Variants in EBF1 observed in about 807,000 individuals in gnomAD.
EBF1 encodes EBF transcription factor 1, also known as transcription factor COE1.
EBF1 carries 10 observed loss-of-function variants against 68.4 expected under a neutral mutation model. That is an observed-to-expected ratio of 0.15 (90% confidence interval 0.09 to 0.25). The LOEUF (loss-of-function observed/expected upper bound fraction) is 0.25. Among genes scored for constraint, EBF1 ranks in the 10% least tolerant of loss-of-function variants. EBF1 has a pLI of 1.00. For missense variants in EBF1, 509 were observed against 794.4 expected, an observed-to-expected ratio of 0.64 and a Z score of 4.32; for synonymous variants, 298 against 299.8, an observed-to-expected ratio of 0.99 and a Z score of 0.06.
At chr5:158,915,633 GA>G (rs1235915381) in intron 6 of EBF1, among the ~76,000 whole-genome samples, 1 of 152,144 alleles carries the variant, frequency 6.6e-6, no homozygotes, top group Admixed American at 6.5e-5. Flanking sequence ...AAACAGTAAG[GA>G]GATCTGTGGC....
At chr5:158,803,960 G>A (rs1015909275) in intron 8 of EBF1, among the ~76,000 whole-genome samples, 2 of 146,984 alleles carry the variant, frequency 1.4e-5, no homozygotes, top group African/African-American at 5.1e-5. Flanking sequence ...CTGTGTGTGT[G>A]TGTGTGTGTG....
chr5:158,968,943 T>C (rs1754738127), intron 6 of EBF1, among the ~76,000 whole-genome samples: 1 of 152,142 alleles, frequency 6.6e-6, no homozygotes, highest in Non-Finnish European at 1.5e-5. Flanking sequence ...GAAATTTGCT[T>C]CTTGTAAGTA....
At chr5:158,749,055 T>A (rs1768197099) in intron 10 of EBF1, among the ~76,000 whole-genome samples, 1 of 152,106 alleles carries the variant, frequency 6.6e-6, no homozygotes, top group African/African-American at 2.4e-5. Flanking sequence ...AGCATGGCAA[T>A]TCCCTGTGGA....
At chr5:158,838,554 C>A (rs1466434957) in intron 7 of EBF1, among the ~76,000 whole-genome samples, 6 of 151,906 alleles carry the variant, frequency 3.9e-5, no homozygotes, top group Admixed American at 2.6e-4. Flanking sequence ...ACCTCAGAAT[C>A]TCAGGAGAGA....
chr5:158,855,009 C>T (rs1429542704), intron 6 of EBF1, among the ~76,000 whole-genome samples: 4 of 152,116 alleles, frequency 2.6e-5, no homozygotes, highest in African/African-American at 9.7e-5. Context: ...AACCCCAGGT[C>T]ACATATAAGT....
At chr5:158,767,876 T>C (rs17056189) in intron 10 of EBF1, among the ~76,000 whole-genome samples, 5,642 of 152,190 alleles carry the variant, frequency 0.037, 363 homozygotes, top group African/African-American at 0.13. Context: ...TATTTTTTGT[T>C]ACAATTTTGG....
In EBF1 at chr5:158,803,389, T is replaced by A. The variant is rs552873270; in HGVS notation, c.779-6914A>T. ...TTTTTTTTTCAGTGAATGATGACCT[T>A]CCTGCTCACAGCTCCTTAGCACTAC... is the stretch of plus-strand genomic sequence containing the variant. On this transcript the variant is annotated intron_variant, in intron 8 of 15. Coordinates refer to ENST00000313708, the MANE Select transcript of EBF1 (RefSeq NM_024007.5). 2.7e-5 allele frequency among the ~76,000 whole-genome samples: 4 copies of A among 148,024 alleles called. No homozygotes were observed. The South Asian group carries it at 8.8e-4, about 33-fold the overall frequency.
intron 10 of EBF1, among the ~76,000 whole-genome samples, chr5:158,768,177 A>G (rs188295756): frequency 1.3e-3 from 191 of 152,188 alleles, no homozygotes; most frequent in African/African-American, 4.4e-3. Context: ...CAGGTGTAGG[A>G]CTTATTGACC....
chr5:159,066,969 G>A (rs916977722), intron 6 of EBF1, among the ~76,000 whole-genome samples: 2 of 152,090 alleles, frequency 1.3e-5, no homozygotes, highest in African/African-American at 4.8e-5. Flanking sequence ...ATTAGTGGTC[G>A]ATTTCAGATA....
At chr5:158,705,900 T>C (rs1484146521) in intron 15 of EBF1, among the ~76,000 whole-genome samples, 2 of 152,244 alleles carry the variant, frequency 1.3e-5, no homozygotes, top group Non-Finnish European at 2.9e-5. Context: ...ATAAACCCCA[T>C]CATATCTTGT....
At position 158,712,261 on chromosome 5, in the gene EBF1, T is replaced by A. The variant is rs1486528293; in HGVS notation, c.1442A>T (p.Tyr481Phe). The change falls in exon 14 of 16, where the codon TAT (tyrosine) becomes TTT (phenylalanine). Residue 481 changes from tyrosine (Y) to phenylalanine (F), a missense_variant. By Grantham distance (22) the Tyr-to-Phe change is conservative. Coordinates refer to ENST00000313708, the MANE Select transcript of EBF1 (RefSeq NM_024007.5). ...GTTCATGCTCGTGGTGACGGAGTTATAGTTGGTCTGCTGGGGAGTGGTGCT... is the reference window on the plus strand; with the variant it reads ...GTTCATGCTCGTGGTGACGGAGTTAAAGTTGGTCTGCTGGGGAGTGGTGCT... ...VPSTTPQQTN[Y>F]NSVTTSMNGY... The A allele has an allele frequency of 6.2e-7, 1 of 1,614,102 alleles. No homozygotes were observed. Among genetic ancestry groups the A allele is most frequent in the Non-Finnish European group, 8.5e-7 (1 of 1,180,002 alleles).
chr5:159,019,701 A>G (rs928237466), intron 6 of EBF1, among the ~76,000 whole-genome samples: 2 of 152,218 alleles, frequency 1.3e-5, no homozygotes, highest in African/African-American at 2.4e-5. Context: ...CTCACTAAGA[A>G]GTGTCTCATG....
chr5:158,832,251 A>T (rs1464877636), intron 7 of EBF1, among the ~76,000 whole-genome samples: 2 of 152,226 alleles, frequency 1.3e-5, no homozygotes, highest in Non-Finnish European at 2.9e-5. Context: ...CAGGGCGACC[A>T]CTCATCAAAT....
chr5:159,002,149 C>T lies in EBF1; in HGVS notation c.554+71247G>A, dbSNP rs570593243. 1.1e-4 allele frequency among the ~76,000 whole-genome samples: 16 copies of T among 148,452 alleles called. No homozygotes were observed. In the South Asian group the frequency reaches 3.2e-3, roughly 29 times the overall value. On this transcript the variant is annotated intron_variant, in intron 6 of 15. Coordinates refer to ENST00000313708, the MANE Select transcript of EBF1 (RefSeq NM_024007.5). The stretch of plus-strand genomic sequence containing the variant: ...GTGAGAAATAAAAGAAACCACCCTC[C>T]CCCAAGCCTTTTTTTTTTTTTTTTC...
At chr5:158,791,455 G>T (rs1778585988) in intron 9 of EBF1, among the ~76,000 whole-genome samples, 1 of 151,990 alleles carries the variant, frequency 6.6e-6, no homozygotes, top group Non-Finnish European at 1.5e-5. Context: ...CTCTGATTGG[G>T]CAATGGAAGG....
chr5:158,876,089 A>G (rs75956062), intron 6 of EBF1, among the ~76,000 whole-genome samples: 365 of 152,350 alleles, frequency 2.4e-3, no homozygotes, highest in African/African-American at 8.2e-3. Context: ...TTTAGAGGCC[A>G]AAAAACTGTT....
intron 7 of EBF1, among the ~76,000 whole-genome samples, chr5:158,829,612 A>G (rs1787044601): frequency 6.6e-6 from 1 of 152,136 alleles, no homozygotes; most frequent in Non-Finnish European, 1.5e-5. Flanking sequence ...TTGAGAAGGT[A>G]TTATATTTCT....
chr5:158,890,414 T>A (rs1800942490), intron 6 of EBF1, among the ~76,000 whole-genome samples: 1 of 152,232 alleles, frequency 6.6e-6, no homozygotes, highest in South Asian at 2.1e-4. Flanking sequence ...CACTTCTACA[T>A]GCCTCTCAGA....
intron 10 of EBF1, among the ~76,000 whole-genome samples, chr5:158,740,884 A>G (rs1051064826): frequency 1.3e-5 from 2 of 152,186 alleles, no homozygotes; most frequent in Admixed American, 6.5e-5. Flanking sequence ...GAGCTCCTCA[A>G]ACTTTCTCTG....
Sources: gnomAD v4.1 joint callset for allele counts (sites outside exome capture counted in the v4.1 genomes callset) on GRCh38, gnomAD v4.1.1 for gene constraint, MANE v1.5 for transcripts, NCBI Gene and HGNC (gene_info 2026-07-23, HGNC 2026-07-21) for gene names.